Variants in PTPRG observed in about 807,000 individuals in gnomAD.
The protein encoded by PTPRG is receptor-type tyrosine-protein phosphatase gamma.
In PTPRG, 102 loss-of-function variants were observed where a neutral mutation model predicts 165.3. The observed-to-expected ratio is 0.62, with a 90% CI of 0.53 to 0.73. The LOEUF (loss-of-function observed/expected upper bound fraction) is 0.73. PTPRG is among the 30% of genes least tolerant of loss of function. PTPRG has a pLI of 0.00. For missense variants in PTPRG, 1,866 were observed against 1,861.4 expected (o/e 1.00, Z -0.05); for synonymous variants, 675 against 669.5 (o/e 1.01, Z -0.13).
chr3:62,042,330 C>T (rs149927257), intron 4 of PTPRG, among the ~76,000 whole-genome samples: 6 of 152,282 alleles, frequency 3.9e-5, no homozygotes, highest in Middle Eastern at 3.4e-3. Context: ...TGACCCTGTG[C>T]CTTTGGAGTA....
chr3:61,813,890 C>CTT (rs58457367), intron 2 of PTPRG, among the ~76,000 whole-genome samples: 2,296 of 133,316 alleles, frequency 0.017, 52 homozygotes, highest in African/African-American at 0.055. Context: ...GAGATACTGG[C>CTT]TTTTTTTTTT....
At chr3:61,641,333 T>G (rs982572119) in intron 1 of PTPRG, among the ~76,000 whole-genome samples, 3 of 152,188 alleles carry the variant, frequency 2.0e-5, no homozygotes, top group Non-Finnish European at 4.4e-5. Context: ...TTATGGGATG[T>G]TTCTATTGGG....
chr3:61,937,939 T>TTG (rs904234105), intron 2 of PTPRG, among the ~76,000 whole-genome samples: 4 of 140,928 alleles, frequency 2.8e-5, no homozygotes, highest in African/African-American at 7.5e-5. Flanking sequence ...GATCTTGGGG[T>TTG]TTTTTTTTTT....
intron 1 of PTPRG, among the ~76,000 whole-genome samples, chr3:61,717,352 T>C (rs2031852906): frequency 6.6e-6 from 1 of 152,212 alleles, no homozygotes. Context: ...AACTAAGGAC[T>C]GAGTTTTTAT....
chr3:61,774,283 G>C (rs1463784039), intron 2 of PTPRG, among the ~76,000 whole-genome samples: 1 of 152,196 alleles, frequency 6.6e-6, no homozygotes, highest in African/African-American at 2.4e-5. Context: ...CCAGCACACC[G>C]GGAATGTGTG....
rs1025382979 is a variant in PTPRG at position 61,922,508 on chromosome 3, G to A, written c.191-67117G>A. Among the ~76,000 whole-genome samples the A allele has an allele frequency of 7.2e-5, 11 of 152,164 alleles. 1 individual carries two copies. The highest frequency in any genetic ancestry group is 6.3e-3 in the Middle Eastern group (2 of 316). ...TGTGTGTGTGTGTACGCTTGTGCGCGTTTGTTATTGCTGCAGGACCTAAGG... is the reference window on the plus strand; with the variant it reads ...TGTGTGTGTGTGTACGCTTGTGCGCATTTGTTATTGCTGCAGGACCTAAGG... On this transcript the variant is annotated intron_variant, in intron 2 of 29. Coordinates refer to ENST00000474889, the MANE Select transcript of PTPRG (RefSeq NM_002841.4).
intron 24 of PTPRG, 73 bp from the exon 25 acceptor site, chr3:62,276,899 A>C: frequency 8.6e-7 from 1 of 1,157,258 alleles, no homozygotes. Flanking sequence ...CATCAAGCAA[A>C]TCTCAGAAAG....
chr3:62,269,206 C>G (rs1193074444), intron 20 of PTPRG, 37 bp downstream of exon 20: 3 of 1,514,850 alleles, frequency 2.0e-6, no homozygotes, highest in Non-Finnish European at 8.9e-7. Flanking sequence ...AGGGCATCCC[C>G]TTTTTATACT....
chr3:62,033,537 C>T (rs528193733), intron 4 of PTPRG, among the ~76,000 whole-genome samples: 8 of 146,180 alleles, frequency 5.5e-5, no homozygotes, highest in African/African-American at 7.6e-5. Context: ...TCTTCCCCCC[C>T]CCACCCCCCA....
chr3:61,615,422 C>G (rs557372145), intron 1 of PTPRG, among the ~76,000 whole-genome samples: 1 of 152,210 alleles, frequency 6.6e-6, no homozygotes, highest in Admixed American at 6.5e-5. Flanking sequence ...TCAGGTTATG[C>G]GTTGGGACAG....
intron 15 of PTPRG, among the ~76,000 whole-genome samples, chr3:62,244,640 A>G (rs1316756025): frequency 1.3e-5 from 2 of 151,956 alleles, no homozygotes; most frequent in Non-Finnish European, 2.9e-5. Flanking sequence ...TTATAATGCC[A>G]CCCCTCCTCC....
chr3:61,993,884 A>G (rs2040957112), intron 3 of PTPRG, among the ~76,000 whole-genome samples: 1 of 152,196 alleles, frequency 6.6e-6, no homozygotes, highest in Non-Finnish European at 1.5e-5. Flanking sequence ...AAAGCGGCCT[A>G]TTACATACAG....
intron 2 of PTPRG, among the ~76,000 whole-genome samples, chr3:61,936,110 A>G (rs11715018): frequency 0.35 from 53,733 of 152,054 alleles, 10,607 homozygotes; most frequent in African/African-American, 0.52. Flanking sequence ...AATACAAGGC[A>G]CCATCTTGGA....
intron 1 of PTPRG, among the ~76,000 whole-genome samples, chr3:61,634,189 C>T (rs1015613503): frequency 4.6e-5 from 7 of 151,936 alleles, no homozygotes; most frequent in African/African-American, 1.7e-4. Flanking sequence ...ACATTAATTT[C>T]TTACTGAAGC....
intron 5 of PTPRG, among the ~76,000 whole-genome samples, chr3:62,131,067 TC>T (rs1280041473): frequency 1.9e-4 from 29 of 152,170 alleles, no homozygotes; most frequent in African/African-American, 7.0e-4. Context: ...TAAGATATAA[TC>T]ACTATTAACT....
intron 4 of PTPRG, among the ~76,000 whole-genome samples, chr3:62,069,350 T>G (rs901323576): frequency 2.0e-5 from 3 of 152,206 alleles, no homozygotes; most frequent in African/African-American, 7.2e-5. Context: ...CTCTTAGATC[T>G]TCATCTAATA....
At chr3:62,290,202 A>C (rs899639716) in intron 28 of PTPRG, among the ~76,000 whole-genome samples, 1 of 152,170 alleles carries the variant, frequency 6.6e-6, no homozygotes, top group African/African-American at 2.4e-5. Context: ...ACCTAGTTAA[A>C]AGCTATAAAA....
chr3:61,656,052 C>T (rs1023128088), intron 1 of PTPRG, among the ~76,000 whole-genome samples: 9 of 129,620 alleles, frequency 6.9e-5, no homozygotes, highest in African/African-American at 2.1e-4. Context: ...CCCCCCCCCC[C>T]GACCATCTCT....
In PTPRG at chr3:61,930,318, G is replaced by A. The variant is rs997266418; in HGVS notation, c.191-59307G>A. On this transcript the variant is annotated intron_variant, in intron 2 of 29. Transcript: ENST00000474889. ...GCTTCATACCCTCAAGGGTGACTTTGAAAGGTATCTTGACCCAGGGACACC... is the reference window on the plus strand; with the variant it reads ...GCTTCATACCCTCAAGGGTGACTTTAAAAGGTATCTTGACCCAGGGACACC... 7.2e-4 allele frequency among the ~76,000 whole-genome samples: 110 copies of A among 152,258 alleles called. 1 individual carries two copies. Among genetic ancestry groups the A allele is most frequent in the African/African-American group, 2.5e-3 (102 of 41,562 alleles).
Sources: gnomAD v4.1 joint callset for allele counts (sites outside exome capture counted in the v4.1 genomes callset) on GRCh38, gnomAD v4.1.1 for gene constraint, MANE v1.5 for transcripts, NCBI Gene and HGNC (gene_info 2026-07-23, HGNC 2026-07-21) for gene names.